LRP1B: variants seen among roughly 807,000 people sequenced by gnomAD.
The protein encoded by LRP1B is low-density lipoprotein receptor-related protein 1B.
LRP1B carries 217 observed loss-of-function variants against 556.6 expected under a neutral mutation model. The observed-to-expected ratio is 0.39, with a 90% CI of 0.35 to 0.44. The LOEUF (loss-of-function observed/expected upper bound fraction) is 0.44, where lower values mean the gene tolerates loss of function less well. LRP1B is among the 20% of genes least tolerant of loss of function. The pLI, the probability that LRP1B is intolerant of heterozygous loss-of-function variation, is 1.00. For synonymous variants in LRP1B, 2,047 were observed against 1,865.8 expected (o/e 1.10, Z -2.50); for missense variants, 5,053 against 5,620.8 (o/e 0.90, Z 3.23).
intron 7 of LRP1B, among the ~76,000 whole-genome samples, chr2:141,112,043 C>A (rs1173213649): frequency 8.9e-6 from 1 of 112,710 alleles, no homozygotes; most frequent in Admixed American, 9.7e-5. Context: ...GAGACCCTGC[C>A]TCAAAAATAA....
intron 31 of LRP1B, among the ~76,000 whole-genome samples, chr2:140,831,113 G>T (rs945806705): frequency 3.3e-5 from 5 of 151,972 alleles, no homozygotes; most frequent in Non-Finnish European, 7.4e-5. Context: ...ATTAGAATTG[G>T]TAAAATGTCA....
chr2:140,748,602 T>C (rs1318225351), intron 35 of LRP1B, among the ~76,000 whole-genome samples: 2 of 102,748 alleles, frequency 1.9e-5, no homozygotes, highest in Non-Finnish European at 3.6e-5. Flanking sequence ...TATATATATA[T>C]ATATATATAT....
chr2:140,935,162 CAAAAT>C (rs1695166661), intron 20 of LRP1B, among the ~76,000 whole-genome samples: 1 of 151,884 alleles, frequency 6.6e-6, no homozygotes, highest in Admixed American at 6.6e-5. Flanking sequence ...TCAAAGAAAA[CAAAAT>C]AAACCAATGA....
intron 32 of LRP1B, among the ~76,000 whole-genome samples, chr2:140,802,986 G>C (rs1690567744): frequency 6.6e-6 from 1 of 152,134 alleles, no homozygotes; most frequent in Non-Finnish European, 1.5e-5. Flanking sequence ...AAACACTGCT[G>C]TCTCTCCTCT....
chr2:140,929,934 G>A (rs1390589765), intron 20 of LRP1B, among the ~76,000 whole-genome samples: 1 of 152,042 alleles, frequency 6.6e-6, no homozygotes, highest in Non-Finnish European at 1.5e-5. Flanking sequence ...ACAGAAAAAA[G>A]TCATGAGGTT....
chr2:140,283,354 G>T (rs1443602635), intron 84 of LRP1B, among the ~76,000 whole-genome samples: 5 of 151,550 alleles, frequency 3.3e-5, no homozygotes, highest in African/African-American at 1.2e-4. Flanking sequence ...AATAAAGTAG[G>T]CAAACATTAA....
intron 1 of LRP1B, among the ~76,000 whole-genome samples, chr2:141,825,070 C>T (rs1341725827): frequency 6.6e-6 from 1 of 152,128 alleles, no homozygotes; most frequent in Non-Finnish European, 1.5e-5. Context: ...TTCCTGAGGC[C>T]GCCCCAAACA....
intron 41 of LRP1B, among the ~76,000 whole-genome samples, chr2:140,651,183 G>A (rs1445031271): frequency 6.6e-6 from 1 of 152,034 alleles, no homozygotes; most frequent in Admixed American, 6.5e-5. Flanking sequence ...AACGGGCAGA[G>A]AAGTTCATGT....
At chr2:140,430,342 C>T (rs1428153868) in intron 66 of LRP1B, among the ~76,000 whole-genome samples, 1 of 152,170 alleles carries the variant, frequency 6.6e-6, no homozygotes, top group Non-Finnish European at 1.5e-5. Context: ...TACCACCATG[C>T]TGTTATATGC....
chr2:140,682,857 G>C (rs1027207579), intron 41 of LRP1B, among the ~76,000 whole-genome samples: 3 of 152,116 alleles, frequency 2.0e-5, no homozygotes, highest in Non-Finnish European at 2.9e-5. Flanking sequence ...TAGCAGAGTA[G>C]ATACGTAATA....
chr2:141,563,016 G>C (rs1686218226), intron 2 of LRP1B, among the ~76,000 whole-genome samples: 1 of 151,982 alleles, frequency 6.6e-6, no homozygotes, highest in South Asian at 2.1e-4. Context: ...GGCTTGGAAA[G>C]GGATGTGAAA....
intron 46 of LRP1B, among the ~76,000 whole-genome samples, chr2:140,534,631 A>G (rs1041794089): frequency 6.6e-6 from 1 of 152,166 alleles, no homozygotes; most frequent in Non-Finnish European, 1.5e-5. Context: ...CTTAAAAATT[A>G]TCTTAAAATA....
At chr2:140,259,288 A>G (rs954113960) in intron 86 of LRP1B, among the ~76,000 whole-genome samples, 3 of 152,114 alleles carry the variant, frequency 2.0e-5, no homozygotes, top group Non-Finnish European at 4.4e-5. Flanking sequence ...GTAAAAACAT[A>G]CAACAAACAA....
At chr2:141,685,769 T>C (rs1691271942) in intron 2 of LRP1B, among the ~76,000 whole-genome samples, 1 of 152,008 alleles carries the variant, frequency 6.6e-6, no homozygotes, top group Admixed American at 6.6e-5. Flanking sequence ...AATAGATTCT[T>C]TCCTGCAGCC....
chr2:141,416,924 G>A (rs1691129344), intron 3 of LRP1B, among the ~76,000 whole-genome samples: 1 of 152,128 alleles, frequency 6.6e-6, no homozygotes, highest in African/African-American at 2.4e-5. Flanking sequence ...GGAGAATTTG[G>A]AAAGATTCCA....
At chr2:140,276,086 T>A (rs977992219) in intron 84 of LRP1B, among the ~76,000 whole-genome samples, 8 of 151,978 alleles carry the variant, frequency 5.3e-5, no homozygotes, top group African/African-American at 1.4e-4. Context: ...TGCAGTTTCC[T>A]TTTACCTATT....
intron 67 of LRP1B, among the ~76,000 whole-genome samples, chr2:140,379,728 C>T (rs915807564): frequency 9.2e-5 from 14 of 151,904 alleles, no homozygotes; most frequent in African/African-American, 3.4e-4. Flanking sequence ...CCCTTCAGAA[C>T]ATTGGATGGG....
chr2:142,104,328 A>ATT (rs1364533031), intron 1 of LRP1B, among the ~76,000 whole-genome samples: 1 of 152,128 alleles, frequency 6.6e-6, no homozygotes, highest in African/African-American at 2.4e-5. Context: ...AAGCTCTCAC[A>ATT]ATACTGATGC....
intron 3 of LRP1B, among the ~76,000 whole-genome samples, chr2:141,379,791 A>C (rs993373504): frequency 2.7e-4 from 41 of 152,136 alleles, no homozygotes; most frequent in African/African-American, 9.4e-4. Context: ...CAGGCACATG[A>C]GTACCTGCCA....
Sources: allele counts gnomAD v4.1 joint callset (sites outside exome capture counted in the v4.1 genomes callset), GRCh38; gene constraint gnomAD v4.1.1; transcripts MANE v1.5; gene names NCBI Gene and HGNC (gene_info 2026-07-23, HGNC 2026-07-21).